CSMD1: variants seen among roughly 807,000 people sequenced by gnomAD.
CSMD1 encodes CUB and Sushi multiple domains 1.
In CSMD1, 213 loss-of-function variants were observed where a neutral mutation model predicts 417.5. That is an observed-to-expected ratio of 0.51 (90% CI 0.46 to 0.57). The LOEUF (loss-of-function observed/expected upper bound fraction) is 0.57, where lower values mean the gene tolerates loss of function less well. Among genes scored for constraint, CSMD1 ranks in the 20% least tolerant of loss-of-function variants. The probability of loss-of-function intolerance (pLI) is 0.00; values close to 1 mark genes in which losing one functional copy is unlikely to be tolerated. For missense variants in CSMD1, 6,923 were observed against 4,529.7 expected, an observed-to-expected ratio of 1.53 and a Z score of -15.17; for synonymous variants, 2,862 against 1,736.8, an observed-to-expected ratio of 1.65 and a Z score of -16.11.
At chr8:4,657,027 G>C (rs180809744) in intron 1 of CSMD1, among the ~76,000 whole-genome samples, 1 of 152,052 alleles carries the variant, frequency 6.6e-6, no homozygotes, top group East Asian at 1.9e-4. Flanking sequence ...AAAGCCACCA[G>C]GACACGCAAA....
At chr8:3,143,269 G>C (rs6999636) in intron 40 of CSMD1, among the ~76,000 whole-genome samples, 47,480 of 152,046 alleles carry the variant, frequency 0.31, 8,959 homozygotes, top group Non-Finnish European at 0.43. Flanking sequence ...CATAGCACAA[G>C]TTTATTAGTT....
intron 26 of CSMD1, among the ~76,000 whole-genome samples, chr8:3,237,724 CTACAAA>C (rs1488495829): frequency 1.5e-5 from 2 of 135,762 alleles, no homozygotes; most frequent in African/African-American, 5.3e-5. Flanking sequence ...TATACTTATA[CTACAAA>C]TATAATTTTT....
intron 50 of CSMD1, among the ~76,000 whole-genome samples, chr8:3,035,069 A>C (rs541050840): frequency 1.3e-5 from 2 of 152,282 alleles, no homozygotes; most frequent in African/African-American, 4.8e-5. Context: ...TACAGTCAGG[A>C]GGCAACACGA....
intron 49 of CSMD1, among the ~76,000 whole-genome samples, chr8:3,075,690 C>T (rs1382494825): frequency 6.6e-6 from 1 of 151,594 alleles, no homozygotes. Context: ...TTTTTTTGTC[C>T]CTTCCTTTTA....
intron 5 of CSMD1, among the ~76,000 whole-genome samples, chr8:3,904,529 G>A (rs529967334): frequency 1.2e-4 from 18 of 152,092 alleles, no homozygotes; most frequent in South Asian, 2.1e-4. Flanking sequence ...AAACTGACAG[G>A]TGATACCAAA....
chr8:3,785,684 G>A (rs17067520), intron 5 of CSMD1, among the ~76,000 whole-genome samples: 4 of 152,280 alleles, frequency 2.6e-5, no homozygotes, highest in Middle Eastern at 3.4e-3. Flanking sequence ...AGTGTGGGCT[G>A]TGTGCATGGA....
chr8:3,867,450 G>C (rs1204565939), intron 5 of CSMD1, among the ~76,000 whole-genome samples: 2 of 151,998 alleles, frequency 1.3e-5, no homozygotes, highest in Admixed American at 6.6e-5. Flanking sequence ...TCCTGGCTAT[G>C]GTTTAAATAA....
At chr8:4,435,138 C>A (rs975779775) in intron 2 of CSMD1, among the ~76,000 whole-genome samples, 1 of 151,980 alleles carries the variant, frequency 6.6e-6, no homozygotes, top group African/African-American at 2.4e-5. Context: ...TTTAAAGTAT[C>A]AGTAATATAT....
At chr8:3,536,779 G>A (rs919765070) in intron 10 of CSMD1, among the ~76,000 whole-genome samples, 5 of 152,170 alleles carry the variant, frequency 3.3e-5, no homozygotes, top group African/African-American at 1.2e-4. Context: ...AAGGGACTAA[G>A]TCATCTCTTC....
chr8:3,056,039 G>C (rs1364701756), intron 49 of CSMD1, among the ~76,000 whole-genome samples: 2 of 152,308 alleles, frequency 1.3e-5, no homozygotes, highest in African/African-American at 4.8e-5. Flanking sequence ...TTATGTTATA[G>C]GCAGAATATG....
In CSMD1 at chr8:4,464,756, C is replaced by G. The variant is rs376886355; in HGVS notation, c.303-44691G>C. 3.3e-4 allele frequency among the ~76,000 whole-genome samples: 50 copies of G among 152,178 alleles called. No homozygotes were observed. In the South Asian group the frequency reaches 5.8e-3, roughly 18 times the overall value. ...ATCATCAGCATCCGTTGCTTTAAGG[C>G]GAGTCCTGCTGAGTGGGGTGGGGCT... On this transcript the variant is annotated intron_variant, in intron 2 of 69. Transcript: ENST00000635120.
intron 3 of CSMD1, among the ~76,000 whole-genome samples, chr8:4,226,883 A>G (rs1219102516): frequency 1.3e-5 from 2 of 152,224 alleles, no homozygotes; most frequent in Non-Finnish European, 2.9e-5. Context: ...TAAGAAATAC[A>G]TATTTGAACG....
chr8:4,575,441 ACATC>A (rs1181587091), intron 2 of CSMD1, among the ~76,000 whole-genome samples: 1 of 152,090 alleles, frequency 6.6e-6, no homozygotes, highest in Non-Finnish European at 1.5e-5. Flanking sequence ...TGTCTGTGTA[ACATC>A]CGGCAGGTCA....
intron 3 of CSMD1, among the ~76,000 whole-genome samples, chr8:4,234,811 T>C (rs1001773903): frequency 1.3e-5 from 2 of 152,166 alleles, no homozygotes; most frequent in Admixed American, 1.3e-4. Flanking sequence ...AAACTGGTGG[T>C]TGGAGAGATA....
intron 3 of CSMD1, among the ~76,000 whole-genome samples, chr8:4,075,427 A>G (rs139711779): frequency 5.9e-5 from 9 of 152,276 alleles, no homozygotes; most frequent in African/African-American, 2.2e-4. Context: ...AATAAATTTT[A>G]TATCTGCTAA....
chr8:3,930,186 G>A (rs556202291), intron 5 of CSMD1, among the ~76,000 whole-genome samples: 1 of 150,050 alleles, frequency 6.7e-6, no homozygotes, highest in Non-Finnish European at 1.5e-5. Flanking sequence ...TATACTTGCC[G>A]TATCTATTAG....
chr8:3,367,178 C>T lies in CSMD1; in HGVS notation c.2969G>A (p.Gly990Glu), dbSNP rs760328601. The change falls in exon 20 of 70, where the codon GGA (glycine) becomes GAA (glutamate). Residue 990 changes from glycine to glutamate, a missense_variant. Coordinates refer to ENST00000635120, the MANE Select transcript of CSMD1 (RefSeq NM_033225.6). ...SHDYLLITEDGSFSEPVARLT... is the reference protein window; with the variant it reads ...SHDYLLITEDESFSEPVARLT... Reference sequence around the variant, plus strand: ...CCTGGCAACGGGCTCGGAAAAACTTCCATCCTCTGTGATCAGTAAATAGTC... The same window carrying T: ...CCTGGCAACGGGCTCGGAAAAACTTTCATCCTCTGTGATCAGTAAATAGTC... The T allele has an allele frequency of 6.2e-7, 1 of 1,613,584 alleles. No homozygotes were observed. The highest frequency in any genetic ancestry group is 1.1e-5 in the South Asian group (1 of 90,988).
intron 25 of CSMD1, chr8:3,284,558 C>G (rs553588514): frequency 3.6e-6 from 2 of 558,366 alleles, no homozygotes; most frequent in East Asian, 3.1e-5. Flanking sequence ...GGACCTCAGT[C>G]TGTCATGGAC....
intron 3 of CSMD1, among the ~76,000 whole-genome samples, chr8:4,083,681 A>G (rs1362205382): frequency 6.6e-6 from 1 of 152,196 alleles, no homozygotes; most frequent in Non-Finnish European, 1.5e-5. Flanking sequence ...ACCTTATACA[A>G]AAATCAATTC....
Sources: allele counts gnomAD v4.1 joint callset (sites outside exome capture counted in the v4.1 genomes callset), GRCh38; gene constraint gnomAD v4.1.1; transcripts MANE v1.5; gene names NCBI Gene and HGNC (gene_info 2026-07-23, HGNC 2026-07-21).